Variants in FBXL17 observed in about 807,000 individuals in gnomAD.
The protein encoded by FBXL17 is F-box/LRR-repeat protein 17.
FBXL17 carries 22 observed loss-of-function variants against 66.2 expected under a neutral mutation model. The ratio of observed to expected loss-of-function variants is 0.33; its 90% CI spans 0.24 to 0.47. The LOEUF is 0.47. Among genes scored for constraint, FBXL17 ranks in the 20% least tolerant of loss-of-function variants. The probability of loss-of-function intolerance (pLI) is 1.00; values close to 1 mark genes in which losing one functional copy is unlikely to be tolerated. For missense variants in FBXL17, 878 were observed against 948.2 expected, an observed-to-expected ratio of 0.93 and a Z score of 0.97; for synonymous variants, 474 against 400.5, an observed-to-expected ratio of 1.18 and a Z score of -2.19.
chr5:108,375,415 T>TA (rs58310050), intron 1 of FBXL17, among the ~76,000 whole-genome samples: 10,267 of 150,192 alleles, frequency 0.068, 1,191 homozygotes, highest in African/African-American at 0.24. Flanking sequence ...AGACTAAGAA[T>TA]AAAGAGAGAA....
intron 1 of FBXL17, among the ~76,000 whole-genome samples, chr5:108,376,788 T>C (rs1749456649): frequency 2.0e-4 from 2 of 10,160 alleles, no homozygotes; most frequent in Admixed American, 5.4e-3. Flanking sequence ...TGTATATTCT[T>C]TTTTTTTTTT....
intron 7 of FBXL17, among the ~76,000 whole-genome samples, chr5:107,919,873 T>C (rs546620702): frequency 6.6e-6 from 1 of 152,296 alleles, no homozygotes; most frequent in East Asian, 1.9e-4. Flanking sequence ...AGAATGCAAG[T>C]CCCAAAAGGG....
At chr5:108,361,290 T>C (rs1748320838) in intron 3 of FBXL17, among the ~76,000 whole-genome samples, 1 of 152,198 alleles carries the variant, frequency 6.6e-6, no homozygotes, top group Admixed American at 6.5e-5. Flanking sequence ...GTTCAGCCAG[T>C]GTTTTGAAAG....
At chr5:107,987,387 G>A (rs1237570439) in intron 7 of FBXL17, among the ~76,000 whole-genome samples, 4 of 151,730 alleles carry the variant, frequency 2.6e-5, no homozygotes, top group African/African-American at 9.7e-5. Context: ...CCTCCCTGGT[G>A]CTAAAGCCGA....
chr5:108,176,607 T>C (rs1752802207), intron 6 of FBXL17, among the ~76,000 whole-genome samples: 1 of 152,116 alleles, frequency 6.6e-6, no homozygotes, highest in African/African-American at 2.4e-5. Context: ...TTCAGTCCCA[T>C]CTCATCTCTT....
intron 4 of FBXL17, among the ~76,000 whole-genome samples, chr5:108,273,578 A>ATTGTAT (rs1757364883): frequency 6.6e-6 from 1 of 151,328 alleles, no homozygotes; most frequent in Non-Finnish European, 1.5e-5. Context: ...ATATTTCCAA[A>ATTGTAT]GCTATGCTCA....
intron 7 of FBXL17, among the ~76,000 whole-genome samples, chr5:107,973,451 T>A (rs1422315454): frequency 6.6e-6 from 1 of 151,400 alleles, no homozygotes; most frequent in Non-Finnish European, 1.5e-5. Flanking sequence ...CATTGTGGTC[T>A]GGGGAAGCCA....
intron 4 of FBXL17, among the ~76,000 whole-genome samples, chr5:108,333,751 A>C (rs1760245815): frequency 6.6e-6 from 1 of 152,190 alleles, no homozygotes; most frequent in Non-Finnish European, 1.5e-5. Context: ...TACATACAAA[A>C]ACCCCAATGA....
intron 6 of FBXL17, among the ~76,000 whole-genome samples, chr5:108,039,471 C>A (rs992722957): frequency 6.6e-6 from 1 of 151,872 alleles, no homozygotes; most frequent in Non-Finnish European, 1.5e-5. Context: ...GCCTACTTAA[C>A]AAAAGAATTG....
At chr5:108,055,496 C>T (rs1010774529) in intron 6 of FBXL17, among the ~76,000 whole-genome samples, 5 of 149,092 alleles carry the variant, frequency 3.4e-5, no homozygotes, top group African/African-American at 1.2e-4. Flanking sequence ...GTAGTCCCAG[C>T]TACTCGAGAG....
chr5:108,154,618 C>T (rs286738), intron 6 of FBXL17, among the ~76,000 whole-genome samples: 11,538 of 53,096 alleles, frequency 0.22, 853 homozygotes, highest in East Asian at 0.25. Flanking sequence ...TATATATATA[C>T]ACACACACAC....
intron 5 of FBXL17, among the ~76,000 whole-genome samples, chr5:108,222,719 G>A (rs1195163453): frequency 6.8e-6 from 1 of 148,042 alleles, no homozygotes; most frequent in African/African-American, 2.5e-5. Context: ...TGTCGCCCGG[G>A]CTGGAGTGCA....
intron 6 of FBXL17, among the ~76,000 whole-genome samples, chr5:108,163,405 T>TTC (rs1046999639): frequency 5.6e-5 from 4 of 71,438 alleles, no homozygotes; most frequent in African/African-American, 9.9e-5. Context: ...TTTTCTTTTT[T>TTC]TTTTTTTTTT....
At chr5:108,135,726 G>A (rs1751107322) in intron 6 of FBXL17, among the ~76,000 whole-genome samples, 2 of 152,040 alleles carry the variant, frequency 1.3e-5, no homozygotes, top group South Asian at 2.1e-4. Context: ...CTTAATTTTC[G>A]ATTTAGGGCT....
intron 6 of FBXL17, among the ~76,000 whole-genome samples, chr5:108,142,633 C>A (rs958419055): frequency 2.0e-5 from 3 of 152,034 alleles, no homozygotes; most frequent in African/African-American, 7.3e-5. Flanking sequence ...CATTTGAAAA[C>A]CAATTGGGAA....
chr5:108,237,471 T>C (rs764679159), intron 4 of FBXL17, among the ~76,000 whole-genome samples: 2 of 152,092 alleles, frequency 1.3e-5, no homozygotes, highest in Non-Finnish European at 2.9e-5. Flanking sequence ...GAGAACAAGA[T>C]TATGGGAGAC....
chr5:107,896,403 T>C (rs1749382510), intron 7 of FBXL17, among the ~76,000 whole-genome samples: 1 of 152,042 alleles, frequency 6.6e-6, no homozygotes, highest in Non-Finnish European at 1.5e-5. Flanking sequence ...AGAAGATACT[T>C]ATATTATTAT....
Position 108,381,917 on chromosome 5 carries a change from G to C in FBXL17, c.-226C>G, listed in dbSNP as rs994976056. The C allele has an allele frequency of 7.9e-7, 1 of 1,262,312 alleles. No homozygotes were observed. The allele number at this position is 1,262,312 out of a possible 1,614,324, so 78.2% of individuals were successfully genotyped here. The stretch of plus-strand genomic sequence containing the variant: ...TACATGCTTTGCCCAGGGAAGCCGG[G>C]AGAACGATGGGCGCGAGCTTTGGGG... On this transcript the variant is annotated 5_prime_UTR_variant, in exon 1 of 9. Coordinates refer to ENST00000542267, the MANE Select transcript of FBXL17 (RefSeq NM_001163315.3).
chr5:108,104,028 TTTG>T (rs758420445), intron 6 of FBXL17, among the ~76,000 whole-genome samples: 4 of 151,986 alleles, frequency 2.6e-5, no homozygotes, highest in African/African-American at 7.2e-5. Flanking sequence ...TGCAACCAAT[TTTG>T]TTGTTGTTGT....
Sources: gnomAD v4.1 joint callset for allele counts (sites outside exome capture counted in the v4.1 genomes callset) on GRCh38, gnomAD v4.1.1 for gene constraint, MANE v1.5 for transcripts, NCBI Gene and HGNC (gene_info 2026-07-23, HGNC 2026-07-21) for gene names.